The following DMD variants were observed in gnomAD, a reference collection of about 807,000 sequenced individuals.
DMD encodes the protein mutant dystrophin.
In DMD, 63 loss-of-function variants were observed where a neutral mutation model predicts 330.1. The ratio of observed to expected loss-of-function variants is 0.19; its 90% confidence interval spans 0.16 to 0.24. The LOEUF (loss-of-function observed/expected upper bound fraction) is 0.24, where lower values mean the gene tolerates loss of function less well. Among genes scored for constraint, DMD ranks in the 10% least tolerant of loss-of-function variants. DMD has a pLI of 1.00. For synonymous variants in DMD, 1,223 were observed against 959.8 expected, an observed-to-expected ratio of 1.27 and a Z score of -5.07; for missense variants, 3,344 against 2,684.1, an observed-to-expected ratio of 1.25 and a Z score of -5.43.
At chrX:31,481,677 A>T (rs113925493) in intron 57 of DMD, among the ~76,000 whole-genome samples, 4,967 of 111,731 alleles carry the variant, frequency 0.044, 217 homozygotes, top group African/African-American at 0.13. Flanking sequence ...CACCATGGAG[A>T]TTAGATCTGT....
rs1381391935 is a variant in DMD at position 32,452,297 on chromosome X, A to AGGAAAG, written c.3603+2359_3603+2364dup. Among the ~76,000 whole-genome samples the AGGAAAG allele has an allele frequency of 5.1e-4, 10 of 19,727 alleles. 1 individual carries two copies. Among genetic ancestry groups the AGGAAAG allele is most frequent in the Admixed American group, 9.6e-4 (1 of 1,038 alleles). 17.1% of individuals were successfully genotyped at this position (19,727 alleles called of 115,157 possible). On this transcript the variant is annotated intron_variant, in intron 26 of 78. Transcript: ENST00000357033. Reference sequence around the variant, plus strand: ...ACAATGGAAAAGAAAGGAAAGGAAAAGGAAAGGGAAAGTGAAAGTGAAAGT... The same window carrying AGGAAAG: ...ACAATGGAAAAGAAAGGAAAGGAAAAGGAAAGGGAAAGGGAAAGTGAAAGTGAAAGT...
At chrX:32,589,358 T>C (rs957668961) in intron 13 of DMD, among the ~76,000 whole-genome samples, 2 of 110,941 alleles carry the variant, frequency 1.8e-5, no homozygotes, top group African/African-American at 6.6e-5. Context: ...TAACTAAGAA[T>C]CTGTATCATC....
intron 62 of DMD, 134 bp from the exon 63 acceptor site, chrX:31,261,150 T>G: frequency 5.6e-6 from 3 of 535,049 alleles, no homozygotes; most frequent in Non-Finnish European, 9.5e-6. Context: ...TCAAAGCGCT[T>G]CCATAGTGTA....
chrX:32,138,638 T>C (rs1032347063), intron 44 of DMD, among the ~76,000 whole-genome samples: 6 of 112,194 alleles, frequency 5.3e-5, no homozygotes, highest in African/African-American at 1.3e-4. Context: ...AAGATAGATA[T>C]TGCATACTAA....
At chrX:32,867,472 T>C (rs1407429278) in intron 2 of DMD, among the ~76,000 whole-genome samples, 2 of 112,221 alleles carry the variant, frequency 1.8e-5, no homozygotes, top group East Asian at 5.6e-4. Flanking sequence ...AATTGCCCTA[T>C]GAGAAAATCT....
At chrX:32,397,740 G>C (rs192537326) in intron 30 of DMD, among the ~76,000 whole-genome samples, 285 of 110,940 alleles carry the variant, frequency 2.6e-3, no homozygotes, top group African/African-American at 8.4e-3. Flanking sequence ...CAGAGAGCAG[G>C]GCTGTTTTTA....
In DMD at chrX:32,905,447, T is replaced by C. The variant is rs1170375887; in HGVS notation, c.94-55627A>G. Among the ~76,000 whole-genome samples, 18 of 111,649 alleles carry C rather than the reference T, an allele frequency of 1.6e-4. No individual in the cohort carries two copies. The Admixed American group carries it at 1.7e-3, about 11-fold the overall frequency. ...ATATTCAATAAATGTTTACTATATA[T>C]ATAAGTTGGGGCTGAGTCTTTCTTT... is the stretch of plus-strand genomic sequence containing the variant. On this transcript the variant is annotated intron_variant, in intron 2 of 78. Coordinates refer to ENST00000357033, the MANE Select transcript of DMD (RefSeq NM_004006.3).
chrX:31,529,896 T>TAA (rs2073584298), intron 55 of DMD, among the ~76,000 whole-genome samples: 1 of 89,535 alleles, frequency 1.1e-5, no homozygotes, highest in African/African-American at 4.6e-5. Flanking sequence ...AAAGATTTCT[T>TAA]TAAAAAAAAA....
intron 41 of DMD, among the ~76,000 whole-genome samples, chrX:32,329,780 T>A (rs927909942): frequency 8.9e-6 from 1 of 112,558 alleles, no homozygotes; most frequent in South Asian, 3.6e-4. Flanking sequence ...TGGAAAATTA[T>A]GGACCTTCTG....
chrX:32,481,191 T>G (rs1294511123), intron 21 of DMD, among the ~76,000 whole-genome samples: 3 of 110,528 alleles, frequency 2.7e-5, no homozygotes, highest in Admixed American at 9.7e-5. Context: ...GAGGTAAAAG[T>G]TATTTTCTTT....
intron 1 of DMD, chrX:33,159,534 T>G (rs1386939078): frequency 8.9e-6 from 1 of 111,906 alleles, no homozygotes; most frequent in African/African-American, 3.3e-5. Flanking sequence ...GAACATGCGG[T>G]GTTTGTTTTC....
chrX:32,472,474 T>A (rs891661070), intron 21 of DMD, among the ~76,000 whole-genome samples, 165 bp from the exon 22 acceptor site: 1 of 112,177 alleles, frequency 8.9e-6, no homozygotes, highest in Non-Finnish European at 1.9e-5. Flanking sequence ...ACATTCCTGC[T>A]ACATGTGTAA....
intron 60 of DMD, among the ~76,000 whole-genome samples, chrX:31,404,193 A>C (rs1292731781): frequency 9.0e-6 from 1 of 111,404 alleles, no homozygotes; most frequent in Non-Finnish European, 1.9e-5. Context: ...TCGTATGCCC[A>C]AACACCAATG....
chrX:32,277,832 T>C (rs970974586), intron 43 of DMD, among the ~76,000 whole-genome samples: 1 of 110,500 alleles, frequency 9.0e-6, no homozygotes, highest in Non-Finnish European at 1.9e-5. Context: ...GAGAGAAATT[T>C]ACAGCTGTAG....
intron 1 of DMD, among the ~76,000 whole-genome samples, chrX:33,208,354 A>G (rs1408133817): frequency 9.0e-6 from 1 of 111,568 alleles, no homozygotes; most frequent in African/African-American, 3.2e-5. Context: ...ATGTCAACAC[A>G]TCTCTTCATA....
chrX:31,743,873 T>C (rs1407785344), intron 51 of DMD, among the ~76,000 whole-genome samples: 3 of 110,326 alleles, frequency 2.7e-5, no homozygotes, highest in African/African-American at 6.6e-5. Context: ...TTTTTTTTTT[T>C]CCACACAGGG....
chrX:33,190,045 G>A (rs1446483751), intron 1 of DMD, among the ~76,000 whole-genome samples: 2 of 111,665 alleles, frequency 1.8e-5, no homozygotes, highest in African/African-American at 3.3e-5. Context: ...CAAAGGAATT[G>A]CAAATATTCT....
chrX:32,946,759 T>C lies in DMD; in HGVS notation c.93+73380A>G, dbSNP rs1022095778. ...TTCTTTGAATTTACGGGCTTTTGTA[T>C]GGGAGCTGCTATATTGTTTACAAGT... On this transcript the variant is annotated intron_variant, in intron 2 of 78. Coordinates refer to ENST00000357033, the MANE Select transcript of DMD (RefSeq NM_004006.3). Among the ~76,000 whole-genome samples, 3 of 111,780 alleles carry C rather than the reference T, an allele frequency of 2.7e-5. No homozygotes were observed. The East Asian group carries it at 8.4e-4, about 31-fold the overall frequency.
chrX:31,624,240 A>C (rs1456813004), intron 55 of DMD, among the ~76,000 whole-genome samples: 1 of 111,999 alleles, frequency 8.9e-6, no homozygotes, highest in Non-Finnish European at 1.9e-5. Flanking sequence ...TATCAGAAAT[A>C]ACAATATTTA....
Sources: gnomAD v4.1 joint callset for allele counts (sites outside exome capture counted in the v4.1 genomes callset) on GRCh38, gnomAD v4.1.1 for gene constraint, MANE v1.5 for transcripts, NCBI Gene and HGNC (gene_info 2026-07-23, HGNC 2026-07-21) for gene names.